The following C5orf63 variants were observed in gnomAD, a reference collection of about 807,000 sequenced individuals.
C5orf63 encodes chromosome 5 open reading frame 63.
A neutral mutation model predicts 13.3 loss-of-function variants in C5orf63; 18 were observed. The ratio of observed to expected loss-of-function variants is 1.36; its 90% CI spans 0.94 to 2.01. The LOEUF (loss-of-function observed/expected upper bound fraction) is 2.01. Among genes scored for constraint, C5orf63 ranks in the 30% most tolerant of loss-of-function variants. The pLI is 0.00. For missense variants in C5orf63, 118 were observed against 127.7 expected (o/e 0.92, Z 0.36); for synonymous variants, 38 against 44.7 (o/e 0.85, Z 0.60).
rs1754549429 is a variant in C5orf63 at position 127,071,702 on chromosome 5, G to C, written c.-109-17C>G. On this transcript the variant is annotated splice_polypyrimidine_tract_variant and intron_variant, in intron 1 of 4. Coordinates refer to ENST00000296662, the MANE Select transcript of C5orf63 (RefSeq NM_001164478.2). ...TGTACAGTCCTTGAATAAAGCAGTA[G>C]CAAAAATTAGATTTAAATAAGGAAC... 6.6e-6 allele frequency: 1 copy of C among 152,110 alleles called. No individual in the cohort carries two copies. The highest frequency in any genetic ancestry group is 2.1e-4 in the South Asian group (1 of 4,828). The allele number at this position is 152,110 out of a possible 1,614,324, so 9.4% of individuals were successfully genotyped here.
In C5orf63 at chr5:127,058,241, T is replaced by G. The variant is rs1580529159; in HGVS notation, c.114+641A>C. On this transcript the variant is annotated intron_variant, in intron 3 of 4. Coordinates refer to ENST00000296662, the MANE Select transcript of C5orf63 (RefSeq NM_001164478.2). ...GGTGTCTATCATTCCCCTCTTTGTG[T>G]GCATGTGTACTCAATGTTTAGCTCC... Among the ~76,000 whole-genome samples the G allele has an allele frequency of 4.6e-5, 7 of 152,260 alleles. 1 individual carries two copies. Among genetic ancestry groups the G allele is most frequent in the Admixed American group, 4.6e-4 (7 of 15,282 alleles).
intron 2 of C5orf63, among the ~76,000 whole-genome samples, chr5:127,061,817 G>T (rs1031050173): frequency 2.0e-5 from 3 of 152,108 alleles, no homozygotes; most frequent in African/African-American, 7.2e-5. Flanking sequence ...CCTTCTAAGA[G>T]AAAGAAAATT....
downstream of C5orf63, chr5:127,048,008 G>A (rs994791491): frequency 8.3e-6 from 5 of 605,814 alleles, no homozygotes; most frequent in African/African-American, 9.3e-5. Context: ...CCAATAAACA[G>A]TTAAAGCAGA....
At chr5:127,048,882 A>G (rs558482733), downstream of C5orf63, among the ~76,000 whole-genome samples, 1 of 152,340 alleles carries the variant, frequency 6.6e-6, no homozygotes, top group Admixed American at 6.5e-5. Flanking sequence ...AGACACTGAA[A>G]GAAACTCTTG....
At chr5:127,065,836 A>T (rs1351354857) in intron 2 of C5orf63, among the ~76,000 whole-genome samples, 1 of 152,192 alleles carries the variant, frequency 6.6e-6, no homozygotes, top group Non-Finnish European at 1.5e-5. Flanking sequence ...TTTATTCAAC[A>T]ATTATCTAAT....
chr5:127,050,131 A>G (rs909615635), downstream of C5orf63, among the ~76,000 whole-genome samples: 11 of 152,158 alleles, frequency 7.2e-5, no homozygotes, highest in Non-Finnish European at 1.5e-5. Context: ...CCCAGCCAGG[A>G]TAATTTCCCT....
Position 127,051,406 on chromosome 5 carries a change from TA to T in C5orf63, c.*364del. 1 of 1,232,754 alleles carries T rather than the reference TA, an allele frequency of 8.1e-7. No homozygotes were observed. Among genetic ancestry groups the T allele is most frequent in the Non-Finnish European group, 1.0e-6 (1 of 988,552 alleles). The allele number at this position is 1,232,754 out of a possible 1,614,324, so 76.4% of individuals were successfully genotyped here. The stretch of plus-strand genomic sequence containing the variant: ...AGCATTTATTCTTTCATTAAAAAGT[TA>T]AGCCCTCCGGGGCAGCAGCAGGAAT... On this transcript the variant is annotated 3_prime_UTR_variant, in exon 5 of 5. Coordinates refer to ENST00000296662, the MANE Select transcript of C5orf63 (RefSeq NM_001164478.2).
chr5:127,063,843 C>T (rs1345716908), intron 2 of C5orf63, among the ~76,000 whole-genome samples: 1 of 152,182 alleles, frequency 6.6e-6, no homozygotes, highest in Non-Finnish European at 1.5e-5. Flanking sequence ...TTATTACTAT[C>T]TAAGTGTAAC....
chr5:127,065,257 G>C (rs916921769), intron 2 of C5orf63, among the ~76,000 whole-genome samples: 1 of 152,150 alleles, frequency 6.6e-6, no homozygotes, highest in Non-Finnish European at 1.5e-5. Flanking sequence ...AATGAATAAG[G>C]GTTGATCCCA....
At chr5:127,051,203 G>A, downstream of C5orf63, 1 of 707,332 alleles carries the variant, frequency 1.4e-6, no homozygotes, top group Non-Finnish European at 1.9e-6. Context: ...CTCAAATGAT[G>A]CCTCTTTGGC....
downstream of C5orf63, chr5:127,047,680 G>A (rs771567552): frequency 4.3e-6 from 3 of 703,274 alleles, no homozygotes; most frequent in South Asian, 4.4e-5. Flanking sequence ...TCACTGTTTA[G>A]GATAAAAACA....
chr5:127,055,337 C>T (rs1262002576), intron 3 of C5orf63, among the ~76,000 whole-genome samples: 1 of 152,198 alleles, frequency 6.6e-6, no homozygotes, highest in Non-Finnish European at 1.5e-5. Flanking sequence ...GGAGACATCA[C>T]ACTACCTGAC....
chr5:127,072,849 ATC>A (rs1239157633), intron 1 of C5orf63, among the ~76,000 whole-genome samples: 1 of 152,180 alleles, frequency 6.6e-6, no homozygotes, highest in African/African-American at 2.4e-5. Flanking sequence ...AGAAGTGAAT[ATC>A]TGTTGAGAAT....
downstream of C5orf63, chr5:127,047,944 G>C: frequency 1.5e-6 from 1 of 656,952 alleles, no homozygotes; most frequent in Non-Finnish European, 2.8e-6. Flanking sequence ...GTGGAGAGGG[G>C]TGAGAATGTT....
At chr5:127,059,946 C>A (rs1284636828) in intron 2 of C5orf63, among the ~76,000 whole-genome samples, 1 of 151,926 alleles carries the variant, frequency 6.6e-6, no homozygotes, top group Non-Finnish European at 1.5e-5. Context: ...TTGAGACCAG[C>A]TTGACCAACA....
intron 2 of C5orf63, among the ~76,000 whole-genome samples, chr5:127,060,181 C>A (rs1018561821): frequency 2.6e-5 from 4 of 151,900 alleles, no homozygotes; most frequent in African/African-American, 7.3e-5. Flanking sequence ...AGCTTACTTA[C>A]AGGAACTATA....
At chr5:127,045,651 T>C (rs1753506469) in exon 5 of C5orf63, 2 of 152,354 alleles carry the variant, frequency 1.3e-5, no homozygotes, top group African/African-American at 4.8e-5. Context: ...ATAGCAGCAC[T>C]GATTTTCTAA....
chr5:127,054,274 T>C (rs1301673519), intron 3 of C5orf63, among the ~76,000 whole-genome samples: 1 of 152,176 alleles, frequency 6.6e-6, no homozygotes, highest in African/African-American at 2.4e-5. Flanking sequence ...CTGGGTCAAA[T>C]GGTATTTCTA....
At chr5:127,059,377 T>C (rs1428085052) in intron 2 of C5orf63, among the ~76,000 whole-genome samples, 1 of 152,158 alleles carries the variant, frequency 6.6e-6, no homozygotes, top group Non-Finnish European at 1.5e-5. Context: ...TTTATTCTCA[T>C]GGATAGCTTA....
Sources: allele counts gnomAD v4.1 joint callset (sites outside exome capture counted in the v4.1 genomes callset), GRCh38; gene constraint gnomAD v4.1.1; transcripts MANE v1.5; gene names NCBI Gene and HGNC (gene_info 2026-07-23, HGNC 2026-07-21).